Variants in GLTP observed in about 807,000 individuals in gnomAD.
The protein encoded by GLTP is glycolipid transfer protein.
In GLTP, 22 loss-of-function variants were observed where a neutral mutation model predicts 24.0. That is an observed-to-expected ratio of 0.92 (90% confidence interval 0.65 to 1.31). The LOEUF is 1.31. Ranked by LOEUF, GLTP falls within the 50% of genes most tolerant of loss-of-function variation. The probability of loss-of-function intolerance (pLI) is 0.00; values close to 1 mark genes in which losing one functional copy is unlikely to be tolerated. For missense variants in GLTP, 224 were observed against 276.6 expected (o/e 0.81, Z 1.35); for synonymous variants, 92 against 115.9 (o/e 0.79, Z 1.33).
intron 1 of GLTP, among the ~76,000 whole-genome samples, chr12:109,878,827 C>T (rs1868965684): frequency 6.6e-6 from 1 of 152,202 alleles, no homozygotes; most frequent in South Asian, 2.1e-4. Context: ...AAAAACCAAG[C>T]CCTTGCTCTC....
In GLTP at chr12:109,851,519, C is replaced by T. The variant is rs1442340100; in HGVS notation, c.*1036G>A. 6.6e-6 allele frequency: 1 copy of T among 152,164 alleles called. No individual in the cohort carries two copies. Among genetic ancestry groups the T allele is most frequent in the Non-Finnish European group, 1.5e-5 (1 of 68,020 alleles). 9.4% of individuals were successfully genotyped at this position (152,164 alleles called of 1,614,324 possible). On this transcript the variant is annotated 3_prime_UTR_variant, in exon 5 of 5. Transcript: ENST00000318348. ...CTTTTTAAAAAATCCCACATAGGGG[C>T]CCTGCATAATTTTAAATCAAACTCT...
Position 109,880,273 on chromosome 12 carries a change from G to T in GLTP, c.102C>A (p.Phe34Leu), listed in dbSNP as rs367798721. ...LEAVSHLPPF[F>L]DCLGSPVFTP... ...CCTCCCCCCTCCATTCCGGCTCACCGAAGAAGGGCGGCAGGTGGGACACCG... is the reference window on the plus strand; with the variant it reads ...CCTCCCCCCTCCATTCCGGCTCACCTAAGAAGGGCGGCAGGTGGGACACCG... The change falls in exon 1 of 5, where the codon TTC becomes TTA. Residue 34 changes from phenylalanine to leucine, a missense_variant and splice_region_variant. Phe to Leu is a conservative substitution (Grantham distance 22). Transcript: ENST00000318348. The surrounding 1 kb of genome is among the most constrained non-coding windows in gnomAD (Gnocchi z 5.1). 5 of 1,585,914 alleles carry T rather than the reference G, an allele frequency of 3.2e-6. No individual in the cohort carries two copies. In the African/African-American group the frequency reaches 6.7e-5, roughly 21 times the overall value.
intron 4 of GLTP, among the ~76,000 whole-genome samples, chr12:109,854,519 G>T (rs1892771425): frequency 6.6e-6 from 1 of 151,986 alleles, no homozygotes; most frequent in Non-Finnish European, 1.5e-5. Context: ...AGATGATATT[G>T]AGGCTCAGGG....
rs771803771 is a variant in GLTP, at chr12:109,880,227, T to A, written c.103+45A>T. The A allele has an allele frequency of 8.7e-7, 1 of 1,150,408 alleles. No homozygotes were observed. Among genetic ancestry groups the A allele is most frequent in the Non-Finnish European group, 1.3e-6 (1 of 780,680 alleles). 71.3% of individuals were successfully genotyped at this position (1,150,408 alleles called of 1,614,324 possible). ...ATGCTCGGGGGAAGGAGGATTCGGG[T>A]GCGCGTGGGGCTGCGGGCCGCCTCC... On this transcript the variant is annotated intron_variant, in intron 1 of 4. Transcript: ENST00000318348. This position sits in a 1 kb window ranked among gnomAD's most constrained non-coding sequence, Gnocchi z 5.1.
At chr12:109,858,059 G>A (rs1388230973) in intron 2 of GLTP, 3 of 453,084 alleles carry the variant, frequency 6.6e-6, no homozygotes, top group East Asian at 6.8e-5. Flanking sequence ...TAGGTTCCGA[G>A]GATTCCAAGA....
chr12:109,856,049 T>G (rs1186345732), intron 3 of GLTP, among the ~76,000 whole-genome samples: 2 of 152,094 alleles, frequency 1.3e-5, no homozygotes, highest in African/African-American at 2.4e-5. Flanking sequence ...GGGCCTGCCT[T>G]GTCCATTTCT....
Position 109,855,694 on chromosome 12 carries a change from G to T in GLTP, c.372C>A (p.Ile124=), listed in dbSNP as rs375352447. The T allele has an allele frequency of 2.5e-6, 4 of 1,609,676 alleles. No individual in the cohort carries two copies. Among genetic ancestry groups the T allele is most frequent in the Non-Finnish European group, 3.4e-6 (4 of 1,178,070 alleles). ...CGTAGGCCTTGGTGGCGTTGACACGGATGAGGTTGGGGTGGTTCTCGTCCC... is the reference window on the plus strand; with the variant it reads ...CGTAGGCCTTGGTGGCGTTGACACGTATGAGGTTGGGGTGGTTCTCGTCCC... ...GERDENHPNL[I]RVNATKAYEM... is the part of the protein sequence containing the mutation. The change falls in exon 4 of 5, where the codon ATC becomes ATA. Residue 124 remains isoleucine (I), a synonymous_variant. Transcript: ENST00000318348. The surrounding 1 kb of genome is among the most constrained non-coding windows in gnomAD (Gnocchi z 4.1).
rs766267649 is a variant in GLTP, at chr12:109,855,147, C to G, written c.447+472G>C. ...AACCAGGCAGGTGCTGAAGCCTCAC[C>G]TCCAGGAGCCCTGGCCAATGTCACC... On this transcript the variant is annotated intron_variant, in intron 4 of 4. Transcript: ENST00000318348. This position sits in a 1 kb window ranked among gnomAD's most constrained non-coding sequence, Gnocchi z 4.1. 3.9e-5 allele frequency among the ~76,000 whole-genome samples: 6 copies of G among 152,220 alleles called. No homozygotes were observed. Among genetic ancestry groups the G allele is most frequent in the Admixed American group, 6.5e-5 (1 of 15,286 alleles).
In GLTP at chr12:109,880,490, G is replaced by T. The variant is rs1321921647; in HGVS notation, c.-116C>A. 3.9e-6 allele frequency: 1 copy of T among 254,182 alleles called. No individual in the cohort carries two copies. Among genetic ancestry groups the T allele is most frequent in the Non-Finnish European group, 6.9e-6 (1 of 144,494 alleles). The allele number at this position is 254,182 out of a possible 1,614,324, so 15.7% of individuals were successfully genotyped here. Reference sequence around the variant, plus strand: ...ACAGCCGCCCGCCGCAGGCTCCGGGGACGCCAGCGTCGCCACTTCCGCCCG... The same window carrying T: ...ACAGCCGCCCGCCGCAGGCTCCGGGTACGCCAGCGTCGCCACTTCCGCCCG... On this transcript the variant is annotated 5_prime_UTR_variant, in exon 1 of 5. Coordinates refer to ENST00000318348, the MANE Select transcript of GLTP (RefSeq NM_016433.4). The surrounding 1 kb of genome is among the most constrained non-coding windows in gnomAD (Gnocchi z 5.1).
At chr12:109,879,958 G>A (rs773523924) in intron 1 of GLTP, among the ~76,000 whole-genome samples, 27 of 151,962 alleles carry the variant, frequency 1.8e-4, no homozygotes, top group Non-Finnish European at 3.7e-4. Context: ...GCCTAAGGGA[G>A]ATGGAAGATC....
intron 1 of GLTP, among the ~76,000 whole-genome samples, chr12:109,867,535 T>C (rs990080250): frequency 6.6e-6 from 1 of 152,226 alleles, no homozygotes; most frequent in Non-Finnish European, 1.5e-5. Context: ...AGGGGTTTCA[T>C]GCATGGCCTC....
At chr12:109,872,897 G>C (rs1868767666) in intron 1 of GLTP, among the ~76,000 whole-genome samples, 1 of 152,184 alleles carries the variant, frequency 6.6e-6, no homozygotes, top group Non-Finnish European at 1.5e-5. Flanking sequence ...TGTCTTTCTT[G>C]GGATATTCTT....
At chr12:109,873,153 C>G (rs954269682) in intron 1 of GLTP, among the ~76,000 whole-genome samples, 6 of 150,690 alleles carry the variant, frequency 4.0e-5, no homozygotes, top group African/African-American at 1.5e-4. Flanking sequence ...TATACAAAAC[C>G]AAAAATAAAC....
In GLTP at chr12:109,852,412, T is replaced by A; in HGVS notation, c.*143A>T. 2 of 497,772 alleles carry A rather than the reference T, an allele frequency of 4.0e-6. No individual in the cohort carries two copies. The highest frequency in any genetic ancestry group is 3.0e-5 in the Admixed American group (1 of 32,902). 30.8% of individuals were successfully genotyped at this position (497,772 alleles called of 1,614,324 possible). ...AAAAAGACTTAAAAAACGAGGGCTG[T>A]CCCCTGCAGACTCTGGCAGGACCCT... On this transcript the variant is annotated 3_prime_UTR_variant, in exon 5 of 5. Coordinates refer to ENST00000318348, the MANE Select transcript of GLTP (RefSeq NM_016433.4).
rs771803771 is a variant in GLTP, at chr12:109,880,227, T to C, written c.103+45A>G. The C allele has an allele frequency of 8.7e-7, 1 of 1,150,408 alleles. No individual in the cohort carries two copies. Among genetic ancestry groups the C allele is most frequent in the South Asian group, 1.3e-5 (1 of 78,502 alleles). The allele number at this position is 1,150,408 out of a possible 1,614,324, so 71.3% of individuals were successfully genotyped here. On this transcript the variant is annotated intron_variant, in intron 1 of 4. Coordinates refer to ENST00000318348, the MANE Select transcript of GLTP (RefSeq NM_016433.4). This position sits in a 1 kb window ranked among gnomAD's most constrained non-coding sequence, Gnocchi z 5.1. ...ATGCTCGGGGGAAGGAGGATTCGGG[T>C]GCGCGTGGGGCTGCGGGCCGCCTCC...
chr12:109,853,193 T>C (rs1565896398), intron 4 of GLTP, among the ~76,000 whole-genome samples: 1 of 152,194 alleles, frequency 6.6e-6, no homozygotes, highest in Non-Finnish European at 1.5e-5. Context: ...CTGGGTTCCC[T>C]GCTCCAGAAA....
At chr12:109,877,395 T>C (rs967391113) in intron 1 of GLTP, among the ~76,000 whole-genome samples, 4 of 152,202 alleles carry the variant, frequency 2.6e-5, no homozygotes, top group African/African-American at 7.2e-5. Context: ...CAGAATTAAA[T>C]ACTTTTTAAA....
intron 1 of GLTP, among the ~76,000 whole-genome samples, chr12:109,870,933 T>C (rs999561789): frequency 3.9e-5 from 6 of 152,048 alleles, no homozygotes; most frequent in African/African-American, 1.5e-4. Context: ...TTTGAAAAGC[T>C]CAGATACAGT....
At chr12:109,867,878 C>T (rs1322174343) in intron 1 of GLTP, among the ~76,000 whole-genome samples, 1 of 151,678 alleles carries the variant, frequency 6.6e-6, no homozygotes, top group Non-Finnish European at 1.5e-5. Context: ...TCTGGGTTCA[C>T]GCCATTCTCC....
Sources: gnomAD v4.1 joint callset for allele counts (sites outside exome capture counted in the v4.1 genomes callset) on GRCh38, gnomAD v4.1.1 for gene constraint, Gnocchi (gnomAD v3.1) non-coding constraint, MANE v1.5 for transcripts, NCBI Gene and HGNC (gene_info 2026-07-23, HGNC 2026-07-21) for gene names.